The following PELI2 variants were observed in gnomAD, a reference collection of about 807,000 sequenced individuals.
PELI2 encodes the protein E3 ubiquitin-protein ligase pellino homolog 2.
A neutral mutation model predicts 42.3 loss-of-function variants in PELI2; 23 were observed. The ratio of observed to expected loss-of-function variants is 0.54; its 90% CI spans 0.39 to 0.77. The LOEUF (loss-of-function observed/expected upper bound fraction) is 0.77, where lower values mean the gene tolerates loss of function less well. PELI2 is among the 30% of genes least tolerant of loss of function. The pLI is 0.00. For synonymous variants in PELI2, 245 were observed against 212.2 expected (o/e 1.15, Z -1.34); for missense variants, 463 against 553.2 (o/e 0.84, Z 1.64).
chr14:56,132,828 C>T (rs1883540143), intron 1 of PELI2, among the ~76,000 whole-genome samples: 1 of 152,118 alleles, frequency 6.6e-6, no homozygotes, highest in South Asian at 2.1e-4. Flanking sequence ...CCCAGTTTTC[C>T]CTAGGTTAAG....
chr14:56,171,557 C>T (rs751798063), intron 1 of PELI2, among the ~76,000 whole-genome samples: 3 of 152,184 alleles, frequency 2.0e-5, no homozygotes, highest in Admixed American at 6.5e-5. Flanking sequence ...CATTGCCTAC[C>T]GTGTGTCCCT....
At chr14:56,259,929 A>C (rs1188092882) in intron 2 of PELI2, among the ~76,000 whole-genome samples, 1 of 152,180 alleles carries the variant, frequency 6.6e-6, no homozygotes, top group Non-Finnish European at 1.5e-5. Flanking sequence ...GTAATATTGC[A>C]TACTATAAAC....
At chr14:56,272,713 T>C (rs1889147876) in intron 2 of PELI2, among the ~76,000 whole-genome samples, 1 of 152,240 alleles carries the variant, frequency 6.6e-6, no homozygotes, top group Non-Finnish European at 1.5e-5. Flanking sequence ...CTCAGTCTTC[T>C]AACCAGAGAT....
intron 2 of PELI2, among the ~76,000 whole-genome samples, chr14:56,233,667 G>A (rs1887673150): frequency 6.6e-6 from 1 of 152,154 alleles, no homozygotes; most frequent in Non-Finnish European, 1.5e-5. Flanking sequence ...AGAAAACGTA[G>A]GCAATACCGT....
intron 2 of PELI2, among the ~76,000 whole-genome samples, chr14:56,179,057 G>A (rs1299084611): frequency 6.6e-6 from 1 of 152,008 alleles, no homozygotes; most frequent in Non-Finnish European, 1.5e-5. Context: ...TAATTTTGAA[G>A]TGAATAAAAT....
At chr14:56,123,669 T>A (rs1189164610) in intron 1 of PELI2, among the ~76,000 whole-genome samples, 4 of 152,244 alleles carry the variant, frequency 2.6e-5, no homozygotes, top group Non-Finnish European at 5.9e-5. Flanking sequence ...GGTCTTTTCA[T>A]TTCTGGTTGT....
At chr14:56,246,260 C>T (rs1161985358) in intron 2 of PELI2, among the ~76,000 whole-genome samples, 2 of 152,188 alleles carry the variant, frequency 1.3e-5, no homozygotes, top group African/African-American at 4.8e-5. Flanking sequence ...CCATTTTCAA[C>T]AGCTGTAACT....
Position 56,223,974 on chromosome 14 carries a change from A to G in PELI2, c.207+45510A>G, listed in dbSNP as rs550053061. Reference sequence around the variant, plus strand: ...GATGGTGGAGATCGATGTACTTTAGAGTGTATTTCTGAGAGCAAATGACTT... The same window carrying G: ...GATGGTGGAGATCGATGTACTTTAGGGTGTATTTCTGAGAGCAAATGACTT... On this transcript the variant is annotated intron_variant, in intron 2 of 5. Coordinates refer to ENST00000267460, the MANE Select transcript of PELI2 (RefSeq NM_021255.3). Among the ~76,000 whole-genome samples the G allele has an allele frequency of 4.3e-4, 66 of 152,242 alleles. 2 individuals are homozygous for G. The South Asian group carries it at 0.013, about 31-fold the overall frequency.
At chr14:56,253,565 CAGAG>C (rs1460992234) in intron 2 of PELI2, among the ~76,000 whole-genome samples, 5 of 152,248 alleles carry the variant, frequency 3.3e-5, no homozygotes, top group Non-Finnish European at 7.4e-5. Flanking sequence ...AACAGACAAA[CAGAG>C]AGCCAAATCA....
intron 1 of PELI2, among the ~76,000 whole-genome samples, chr14:56,125,214 A>G (rs1053761387): frequency 5.9e-5 from 9 of 152,146 alleles, no homozygotes; most frequent in African/African-American, 2.2e-4. Context: ...CAGTGACTCA[A>G]GATACTGACT....
intron 3 of PELI2, among the ~76,000 whole-genome samples, chr14:56,283,136 A>G (rs921668929): frequency 1.3e-5 from 2 of 152,176 alleles, no homozygotes; most frequent in African/African-American, 4.8e-5. Context: ...TACGTGTCAC[A>G]TAGTGTATTC....
At position 56,213,584 on chromosome 14, in the gene PELI2, A is replaced by G. The variant is rs146456915; in HGVS notation, c.207+35120A>G. ...GACTGTTGTCATTCAGCAGTTTGAC[A>G]GTTTCATTGTAAAGAGAAGAATGGT... On this transcript the variant is annotated intron_variant, in intron 2 of 5. Coordinates refer to ENST00000267460, the MANE Select transcript of PELI2 (RefSeq NM_021255.3). 1.6e-3 allele frequency among the ~76,000 whole-genome samples: 247 copies of G among 152,304 alleles called. 5 individuals carry two copies. Among genetic ancestry groups the G allele is most frequent in the East Asian group, 0.013 (65 of 5,172 alleles).
chr14:56,260,912 T>G (rs1888690706), intron 2 of PELI2, among the ~76,000 whole-genome samples: 1 of 152,286 alleles, frequency 6.6e-6, no homozygotes, highest in South Asian at 2.1e-4. Context: ...CCATGTATTT[T>G]GAAGAAAATC....
chr14:56,272,598 C>T (rs1414877527), intron 2 of PELI2, among the ~76,000 whole-genome samples: 1 of 152,222 alleles, frequency 6.6e-6, no homozygotes, highest in African/African-American at 2.4e-5. Context: ...GTCCATGTGA[C>T]ACACTTGGTG....
At chr14:56,122,551 T>A (rs1405025639) in intron 1 of PELI2, among the ~76,000 whole-genome samples, 1 of 152,214 alleles carries the variant, frequency 6.6e-6, no homozygotes, top group African/African-American at 2.4e-5. Flanking sequence ...GCTTACTCTC[T>A]TAGTTCCTCT....
At chr14:56,281,098 G>A (rs1402130611) in intron 3 of PELI2, among the ~76,000 whole-genome samples, 1 of 151,960 alleles carries the variant, frequency 6.6e-6, no homozygotes, top group Non-Finnish European at 1.5e-5. Flanking sequence ...ATTTCTATAG[G>A]GCAACATTGC....
intron 2 of PELI2, among the ~76,000 whole-genome samples, chr14:56,194,118 C>T (rs935019638): frequency 2.0e-5 from 3 of 152,154 alleles, no homozygotes; most frequent in African/African-American, 7.2e-5. Flanking sequence ...GTAGGAAGCA[C>T]TGATAAAAAT....
intron 2 of PELI2, among the ~76,000 whole-genome samples, chr14:56,271,228 T>C (rs1889093796): frequency 6.6e-6 from 1 of 152,212 alleles, no homozygotes; most frequent in Admixed American, 6.5e-5. Flanking sequence ...GCACGCTCGC[T>C]GTAAACTCAT....
rs1471759450 is a variant in PELI2 at position 56,219,979 on chromosome 14, A to C, written c.207+41515A>C. Reference sequence around the variant, plus strand: ...TGCTAACATTTTTTGTTGCTTTATTAATGCTTGCCCTGGGAATCATATCAT... The same window carrying C: ...TGCTAACATTTTTTGTTGCTTTATTCATGCTTGCCCTGGGAATCATATCAT... On this transcript the variant is annotated intron_variant, in intron 2 of 5. Transcript: ENST00000267460. The surrounding 1 kb of genome is among the most constrained non-coding windows in gnomAD (Gnocchi z 4.1). Among the ~76,000 whole-genome samples, 1 of 152,136 alleles carries C rather than the reference A, an allele frequency of 6.6e-6. No homozygotes were observed. The highest frequency in any genetic ancestry group is 2.4e-5 in the African/African-American group (1 of 41,430).
Sources: allele counts gnomAD v4.1 joint callset (sites outside exome capture counted in the v4.1 genomes callset), GRCh38; gene constraint gnomAD v4.1.1; non-coding constraint Gnocchi (gnomAD v3.1); transcripts MANE v1.5; gene names NCBI Gene and HGNC (gene_info 2026-07-23, HGNC 2026-07-21).